The following B3GAT2 variants were observed in gnomAD, a reference collection of about 807,000 sequenced individuals.
The protein encoded by B3GAT2 is galactosylgalactosylxylosylprotein 3-beta-glucuronosyltransferase 2.
Under a neutral mutation model 27.8 loss-of-function variants are expected in B3GAT2, and 26 were observed. That is an observed-to-expected ratio of 0.93 (90% confidence interval 0.68 to 1.30). B3GAT2 has a LOEUF of 1.30. Ranked by LOEUF, B3GAT2 falls within the 50% of genes most tolerant of loss-of-function variation. B3GAT2 has a pLI of 0.00. For missense variants in B3GAT2, 458 were observed against 459.0 expected (o/e 1.00, Z 0.02); for synonymous variants, 218 against 195.1 (o/e 1.12, Z -0.98).
intron 2 of B3GAT2, among the ~76,000 whole-genome samples, chr6:70,883,731 G>A (rs995086063): frequency 3.3e-5 from 5 of 152,148 alleles, no homozygotes; most frequent in African/African-American, 1.2e-4. Flanking sequence ...TTTATGTTAC[G>A]TATATTTCAC....
Position 70,859,971 on chromosome 6 carries a change from T to C in B3GAT2, c.*1692A>G, listed in dbSNP as rs1311833793. Reference sequence around the variant, plus strand: ...ATCCCAAGATTGCTTTGGTATTTTTTTTTAAGTAAGTTGTGGTTAATCTTT... The same window carrying C: ...ATCCCAAGATTGCTTTGGTATTTTTCTTTAAGTAAGTTGTGGTTAATCTTT... On this transcript the variant is annotated 3_prime_UTR_variant, in exon 4 of 4. Transcript: ENST00000230053. 8 of 400,970 alleles carry C rather than the reference T, an allele frequency of 2.0e-5. No individual in the cohort carries two copies. Among genetic ancestry groups the C allele is most frequent in the Admixed American group, 1.3e-4 (3 of 23,498 alleles). The allele number at this position is 400,970 out of a possible 1,614,324, so 24.8% of individuals were successfully genotyped here. A position where few individuals can be genotyped will look rare whatever the true frequency, so the allele number is the denominator to read the frequency against.
intron 2 of B3GAT2, among the ~76,000 whole-genome samples, chr6:70,884,719 G>A (rs1236300442): frequency 6.6e-6 from 1 of 152,224 alleles, no homozygotes; most frequent in Non-Finnish European, 1.5e-5. Flanking sequence ...AGGCAAACGT[G>A]AGAAGAAAAG....
At chr6:70,907,315 A>G (rs769858374) in intron 1 of B3GAT2, among the ~76,000 whole-genome samples, 1 of 152,178 alleles carries the variant, frequency 6.6e-6, no homozygotes, top group Non-Finnish European at 1.5e-5. Context: ...GTCCCAGCAC[A>G]TTGCCATGTC....
At chr6:70,929,104 G>T (rs1048992124) in intron 1 of B3GAT2, among the ~76,000 whole-genome samples, 2 of 151,616 alleles carry the variant, frequency 1.3e-5, no homozygotes, top group Non-Finnish European at 2.9e-5. Context: ...GCAAACTATC[G>T]CAAGGACAAA....
At chr6:70,897,464 C>T (rs751800053) in intron 1 of B3GAT2, among the ~76,000 whole-genome samples, 24 of 151,600 alleles carry the variant, frequency 1.6e-4, no homozygotes, top group African/African-American at 4.4e-4. Flanking sequence ...TGGCTCTGCA[C>T]GGTGGCTCAT....
chr6:70,872,148 T>G (rs1401238265), intron 2 of B3GAT2, among the ~76,000 whole-genome samples: 1 of 151,958 alleles, frequency 6.6e-6, no homozygotes, highest in African/African-American at 2.4e-5. Context: ...CATTGTGCCT[T>G]TGAGAAGAAA....
intron 1 of B3GAT2, among the ~76,000 whole-genome samples, chr6:70,946,272 A>G (rs2150051388): frequency 6.6e-6 from 1 of 152,228 alleles, no homozygotes; most frequent in East Asian, 1.9e-4. Flanking sequence ...AAAGACACAG[A>G]CTGATGGGTC....
chr6:70,860,262 G>GCCCT lies in B3GAT2; in HGVS notation c.*1397_*1400dup. On this transcript the variant is annotated 3_prime_UTR_variant, in exon 4 of 4. Transcript: ENST00000230053. ...CAACCCCTACTGCAGGTTTTGGCCAGCCCTCCAGCACAACAGCAGGATGGT... is the reference window on the plus strand; with the variant it reads ...CAACCCCTACTGCAGGTTTTGGCCAGCCCTCCCTCCAGCACAACAGCAGGATGGT... 1 of 1,613,754 alleles carries GCCCT rather than the reference G, an allele frequency of 6.2e-7. No homozygotes were observed. The highest frequency in any genetic ancestry group is 8.5e-7 in the Non-Finnish European group (1 of 1,179,872).
intron 1 of B3GAT2, among the ~76,000 whole-genome samples, chr6:70,902,744 A>T (rs936481377): frequency 6.6e-6 from 1 of 151,880 alleles, no homozygotes; most frequent in Non-Finnish European, 1.5e-5. Context: ...TTGCAACAAC[A>T]TAAAAAAACT....
intron 1 of B3GAT2, among the ~76,000 whole-genome samples, chr6:70,945,725 C>T (rs935294542): frequency 6.8e-6 from 1 of 148,028 alleles, no homozygotes; most frequent in African/African-American, 2.5e-5. Context: ...CAGAGAATGC[C>T]ACAAAGATAC....
chr6:70,903,805 T>C (rs1772550605), intron 1 of B3GAT2, among the ~76,000 whole-genome samples: 1 of 151,454 alleles, frequency 6.6e-6, no homozygotes, highest in South Asian at 2.1e-4. Flanking sequence ...TAGTAAAAAA[T>C]GGTAACAACT....
At chr6:70,922,790 A>G (rs578046349) in intron 1 of B3GAT2, among the ~76,000 whole-genome samples, 4 of 152,248 alleles carry the variant, frequency 2.6e-5, no homozygotes, top group Admixed American at 2.0e-4. Context: ...AATTAAACCA[A>G]AAATAAAGGA....
intron 1 of B3GAT2, among the ~76,000 whole-genome samples, chr6:70,894,953 G>A (rs1440880102): frequency 6.6e-6 from 1 of 152,202 alleles, no homozygotes; most frequent in Non-Finnish European, 1.5e-5. Context: ...ATTTCTTTAA[G>A]GGGAAAGAGA....
chr6:70,943,464 T>C (rs928132130), intron 1 of B3GAT2, among the ~76,000 whole-genome samples: 2 of 152,210 alleles, frequency 1.3e-5, no homozygotes, highest in African/African-American at 2.4e-5. Context: ...AATAAACCCC[T>C]GAGCCTGCTT....
chr6:70,924,567 A>G (rs1045495808), intron 1 of B3GAT2, among the ~76,000 whole-genome samples: 1 of 152,210 alleles, frequency 6.6e-6, no homozygotes, highest in African/African-American at 2.4e-5. Context: ...ATATAGACCA[A>G]TGGACTAGAA....
chr6:70,949,947 C>T (rs1161730123), intron 1 of B3GAT2, among the ~76,000 whole-genome samples: 1 of 151,208 alleles, frequency 6.6e-6, no homozygotes, highest in Admixed American at 6.6e-5. Context: ...AGTAAACTAT[C>T]ACAAGGACAA....
At chr6:70,894,698 C>T (rs2150031841) in intron 1 of B3GAT2, among the ~76,000 whole-genome samples, 1 of 152,300 alleles carries the variant, frequency 6.6e-6, no homozygotes, top group East Asian at 1.9e-4. Context: ...CAGGAGCGTC[C>T]TTTCTCTGAC....
At chr6:70,951,106 T>C (rs1193567530) in intron 1 of B3GAT2, among the ~76,000 whole-genome samples, 1 of 152,288 alleles carries the variant, frequency 6.6e-6, no homozygotes, top group East Asian at 1.9e-4. Context: ...GTGAATCAAA[T>C]ATATATGTGT....
At chr6:70,918,401 G>T (rs969909744) in intron 1 of B3GAT2, among the ~76,000 whole-genome samples, 10 of 152,130 alleles carry the variant, frequency 6.6e-5, no homozygotes, top group African/African-American at 1.2e-4. Context: ...TACATTGAAG[G>T]TTAATATTGT....
Sources: allele counts gnomAD v4.1 joint callset (sites outside exome capture counted in the v4.1 genomes callset), GRCh38; gene constraint gnomAD v4.1.1; transcripts MANE v1.5; gene names NCBI Gene and HGNC (gene_info 2026-07-23, HGNC 2026-07-21).